Variants in FRMD6 observed in about 807,000 individuals in gnomAD.
FRMD6 encodes the protein FERM domain-containing protein 6.
In FRMD6, 37 loss-of-function variants were observed where a neutral mutation model predicts 73.2. The observed-to-expected ratio is 0.51, with a 90% CI of 0.39 to 0.66. The LOEUF (loss-of-function observed/expected upper bound fraction) is 0.66, where lower values mean the gene tolerates loss of function less well. FRMD6 is among the 30% of genes least tolerant of loss of function. The probability of loss-of-function intolerance (pLI) is 0.00; values close to 1 mark genes in which losing one functional copy is unlikely to be tolerated. For synonymous variants in FRMD6, 273 were observed against 282.2 expected (o/e 0.97, Z 0.33); for missense variants, 714 against 780.5 (o/e 0.91, Z 1.02).
At chr14:51,654,096 T>C (rs1253313205) in intron 1 of FRMD6, among the ~76,000 whole-genome samples, 1 of 152,116 alleles carries the variant, frequency 6.6e-6, no homozygotes, top group Non-Finnish European at 1.5e-5. Context: ...TATCTCCTTT[T>C]TGGGGGCAAC....
At chr14:51,650,426 C>T (rs1354587521), upstream of FRMD6, 1 of 123,076 alleles carries the variant, frequency 8.1e-6, no homozygotes, top group African/African-American at 3.1e-5. Context: ...GACGGAGTCT[C>T]GCTCTGTCGC....
intron 2 of FRMD6, among the ~76,000 whole-genome samples, chr14:51,640,282 A>G (rs1191279263): frequency 6.6e-6 from 1 of 152,234 alleles, no homozygotes; most frequent in Non-Finnish European, 1.5e-5. Flanking sequence ...TACAATACCT[A>G]AAGCATTTTG....
At chr14:51,450,702 T>TA in the FRMD6 span, among the ~76,000 whole-genome samples, 4 of 152,188 alleles carry the variant, frequency 2.6e-5, no homozygotes, top group South Asian at 8.3e-4. Context: ...CATTGATATA[T>TA]AAAAAAATAA....
chr14:51,590,015 C>A (rs1372385471), intron 2 of FRMD6, among the ~76,000 whole-genome samples: 1 of 148,272 alleles, frequency 6.7e-6, no homozygotes, highest in African/African-American at 2.5e-5. Flanking sequence ...TTGCAGCAAG[C>A]CAAGATCGTG....
chr14:51,697,439 A>G (rs1443182127), intron 2 of FRMD6, among the ~76,000 whole-genome samples: 3 of 152,170 alleles, frequency 2.0e-5, no homozygotes, highest in Non-Finnish European at 2.9e-5. Context: ...CATAATCTAA[A>G]AAAGTCTGAC....
At chr14:51,712,177 A>C (rs969183969) in intron 8 of FRMD6, among the ~76,000 whole-genome samples, 1 of 152,194 alleles carries the variant, frequency 6.6e-6, no homozygotes, top group African/African-American at 2.4e-5. Context: ...CCAGTTATGA[A>C]AGTCTGAGCG....
the FRMD6 span, among the ~76,000 whole-genome samples, chr14:51,438,497 G>A: frequency 6.5e-3 from 989 of 152,270 alleles, 7 homozygotes; most frequent in Non-Finnish European, 0.01. Context: ...GACCTTCCAA[G>A]TTTGACTTGT....
At chr14:51,436,424 C>A in the FRMD6 span, 79 of 501,028 alleles carry the variant, frequency 1.6e-4, no homozygotes, top group Middle Eastern at 1.3e-3. Context: ...AATTTGATGA[C>A]ATTAAATCAA....
chr14:51,509,445 T>C (rs1463396512), intron 1 of FRMD6, among the ~76,000 whole-genome samples: 1 of 151,854 alleles, frequency 6.6e-6, no homozygotes, highest in East Asian at 2.0e-4. Context: ...GAGAATGGCG[T>C]GAACCCAGGA....
intron 1 of FRMD6, among the ~76,000 whole-genome samples, chr14:51,553,340 C>A (rs113506244): frequency 0.019 from 2,839 of 152,274 alleles, 84 homozygotes; most frequent in African/African-American, 0.064. Flanking sequence ...TTTAATCAGA[C>A]AGGTTCCCAG....
chr14:51,527,245 G>A (rs1387914892), intron 1 of FRMD6, among the ~76,000 whole-genome samples: 1 of 152,248 alleles, frequency 6.6e-6, no homozygotes, highest in Non-Finnish European at 1.5e-5. Flanking sequence ...AGTCATCACA[G>A]CAGAGTTTTT....
chr14:51,459,268 T>C, the FRMD6 span, among the ~76,000 whole-genome samples: 3 of 152,224 alleles, frequency 2.0e-5, no homozygotes, highest in Admixed American at 2.0e-4. Context: ...AGATGACCAT[T>C]GGTGTCTCTG....
At chr14:51,547,880 G>A (rs1886564786) in intron 1 of FRMD6, 1 of 144,510 alleles carries the variant, frequency 6.9e-6, no homozygotes, top group African/African-American at 2.5e-5. Flanking sequence ...CACCCTGTGT[G>A]GCCCTGAAAA....
At chr14:51,475,550 A>G in the FRMD6 span, among the ~76,000 whole-genome samples, 1 of 152,226 alleles carries the variant, frequency 6.6e-6, no homozygotes, top group African/African-American at 2.4e-5. Flanking sequence ...TTGTGATGCT[A>G]TTAGCATATT....
In FRMD6 at chr14:51,711,533, TA is replaced by T; in HGVS notation, c.721del (p.Arg241GlyfsTer7). On this transcript the variant is annotated frameshift_variant, in exon 8 of 14. Coordinates refer to ENST00000344768, the MANE Select transcript of FRMD6 (RefSeq NM_001267046.2). LOFTEE classifies it high-confidence loss of function. ...AVHYYRLYKD[K>X]REIEASLTLG... Reference sequence around the variant, plus strand: ...TTTATAAAATCCTATTCCTACAGGATAAAAGGGAAATTGAAGCATCGCTGAC... The same window carrying T: ...TTTATAAAATCCTATTCCTACAGGATAAAGGGAAATTGAAGCATCGCTGAC... 1.3e-6 allele frequency: 2 copies of T among 1,596,998 alleles called. No homozygotes were observed. The highest frequency in any genetic ancestry group is 8.6e-7 in the Non-Finnish European group (1 of 1,166,006).
At chr14:51,598,048 G>A (rs780697647) in intron 2 of FRMD6, among the ~76,000 whole-genome samples, 2 of 152,162 alleles carry the variant, frequency 1.3e-5, no homozygotes, top group Non-Finnish European at 2.9e-5. Context: ...GCTATTCCCT[G>A]ATTTCTCCCC....
intron 2 of FRMD6, among the ~76,000 whole-genome samples, chr14:51,640,158 C>A (rs1383628651): frequency 6.6e-6 from 1 of 152,178 alleles, no homozygotes; most frequent in East Asian, 1.9e-4. Context: ...CTTCCCCAAT[C>A]TGAATTAGAT....
upstream of FRMD6, among the ~76,000 whole-genome samples, chr14:51,649,074 C>A (rs925295759): frequency 6.6e-6 from 1 of 152,138 alleles, no homozygotes; most frequent in Non-Finnish European, 1.5e-5. Context: ...ACGTTTTAAA[C>A]GTTTTCTGTG....
chr14:51,684,269 C>T (rs903188495), intron 1 of FRMD6, among the ~76,000 whole-genome samples: 1 of 151,652 alleles, frequency 6.6e-6, no homozygotes. Flanking sequence ...AAGGACTCTT[C>T]AGGAACAAGC....
Sources: allele counts gnomAD v4.1 joint callset (sites outside exome capture counted in the v4.1 genomes callset), GRCh38; gene constraint gnomAD v4.1.1; transcripts MANE v1.5; gene names NCBI Gene and HGNC (gene_info 2026-07-23, HGNC 2026-07-21).